The following RGS6 variants were observed in gnomAD, a reference collection of about 807,000 sequenced individuals.
The protein encoded by RGS6 is regulator of G-protein signaling 6.
A neutral mutation model predicts 78.5 loss-of-function variants in RGS6; 30 were observed. That is an observed-to-expected ratio of 0.38 (90% CI 0.29 to 0.52). RGS6 has a LOEUF of 0.52. Among genes scored for constraint, RGS6 ranks in the 20% least tolerant of loss-of-function variants. The pLI, the probability that RGS6 is intolerant of heterozygous loss-of-function variation, is 0.85. For missense variants in RGS6, 495 were observed against 609.7 expected (o/e 0.81, Z 1.98); for synonymous variants, 206 against 206.0 (o/e 1.00, Z 0.00).
chr14:72,107,586 C>A (rs566977058), intron 2 of RGS6, among the ~76,000 whole-genome samples: 3 of 152,094 alleles, frequency 2.0e-5, no homozygotes, highest in African/African-American at 7.2e-5. Context: ...TTTCAATGGG[C>A]AAAACTGGGA....
chr14:72,092,539 G>A lies in RGS6; in HGVS notation c.84+127664G>A, dbSNP rs374161179. 3.6e-4 allele frequency among the ~76,000 whole-genome samples: 55 copies of A among 151,736 alleles called. 1 individual carries two copies. Among genetic ancestry groups the A allele is most frequent in the African/African-American group, 1.2e-3 (49 of 41,350 alleles). ...TGGAATTACAGGCACCTGCCACCAC[G>A]CCCAGCTAATTTTTGTATTTTTAGT... On this transcript the variant is annotated intron_variant, in intron 2 of 17. Coordinates refer to ENST00000553525, the MANE Select transcript of RGS6 (RefSeq NM_001204424.2).
chr14:72,474,738 A>G, intron 10 of RGS6, 39 bp downstream of exon 10: 1 of 1,527,666 alleles, frequency 6.5e-7, no homozygotes, highest in Non-Finnish European at 9.0e-7. Flanking sequence ...CCTGATGTGA[A>G]TAGCCCTTCC....
chr14:72,252,888 G>A (rs1341255870), intron 2 of RGS6, among the ~76,000 whole-genome samples: 1 of 152,146 alleles, frequency 6.6e-6, no homozygotes, highest in South Asian at 2.1e-4. Flanking sequence ...TTCTCAAAGG[G>A]CTGAACTGAC....
At chr14:71,890,358 C>CAGAGAGAGAGAGAGAGAGAGAGAGAGAG in the RGS6 span, among the ~76,000 whole-genome samples, 1 of 133,008 alleles carries the variant, frequency 7.5e-6, no homozygotes, top group Non-Finnish European at 1.6e-5. Context: ...GTGCATAAGA[C>CAGAGAGAGAGAGAGAGAGAGAGAGAGAG]AGAGAGAGAG....
At chr14:71,886,675 C>T in the RGS6 span, among the ~76,000 whole-genome samples, 1 of 152,132 alleles carries the variant, frequency 6.6e-6, no homozygotes, top group Non-Finnish European at 1.5e-5. Flanking sequence ...CAAGGTATAT[C>T]TTTAATTTGG....
At chr14:72,442,456 C>T (rs2095239442) in intron 3 of RGS6, among the ~76,000 whole-genome samples, 3 of 152,196 alleles carry the variant, frequency 2.0e-5, no homozygotes, top group African/African-American at 4.8e-5. Flanking sequence ...AATTACTCCC[C>T]TGTCTGTGTC....
the RGS6 span, among the ~76,000 whole-genome samples, chr14:71,874,436 C>G: frequency 6.6e-6 from 1 of 152,076 alleles, no homozygotes; most frequent in Non-Finnish European, 1.5e-5. Context: ...TGATTTGGCT[C>G]TCTGTTTGTT....
At chr14:72,540,948 A>T in intron 17 of RGS6, 2 of 1,223,644 alleles carry the variant, frequency 1.6e-6, no homozygotes, top group South Asian at 1.4e-5. Context: ...CATGGCTGAG[A>T]CTCTCTACCA....
Position 72,092,597 on chromosome 14 carries a change from G to A in RGS6, c.84+127722G>A, listed in dbSNP as rs181437071. Among the ~76,000 whole-genome samples the A allele has an allele frequency of 7.7e-3, 1,172 of 152,272 alleles. 47 individuals are homozygous for A. The highest frequency in any genetic ancestry group is 0.067 in the Admixed American group (1,032 of 15,296). On this transcript the variant is annotated intron_variant, in intron 2 of 17. Coordinates refer to ENST00000553525, the MANE Select transcript of RGS6 (RefSeq NM_001204424.2). ...GGGTTTCACCAGGTTGGCCAGGCTG[G>A]TCTCGAACTCCTGACCTCAGGTGAT...
At chr14:72,048,069 C>T (rs1189138303) in intron 2 of RGS6, among the ~76,000 whole-genome samples, 1 of 152,004 alleles carries the variant, frequency 6.6e-6, no homozygotes, top group Non-Finnish European at 1.5e-5. Flanking sequence ...TTTCACCAAA[C>T]CAGAAATTTC....
At chr14:72,229,550 T>A (rs982176758) in intron 2 of RGS6, among the ~76,000 whole-genome samples, 33 of 152,178 alleles carry the variant, frequency 2.2e-4, no homozygotes, top group African/African-American at 7.7e-4. Context: ...GGTTGGGGTT[T>A]GATTCTGGCC....
rs59042247 is a variant in RGS6, at chr14:72,414,965, G to T, written c.185-39563G>T. On this transcript the variant is annotated intron_variant, in intron 3 of 17. Transcript: ENST00000553525. Reference sequence around the variant, plus strand: ...TGTGAGGTGTCAGTCTGCCCCTACTGGGGGGGTGCCTCCCAGTTAGGCTAC... The same window carrying T: ...TGTGAGGTGTCAGTCTGCCCCTACTTGGGGGGTGCCTCCCAGTTAGGCTAC... Among the ~76,000 whole-genome samples the T allele has an allele frequency of 6.6e-5, 10 of 152,074 alleles. No homozygotes were observed. In the South Asian group the frequency reaches 1.2e-3, roughly 19 times the overall value.
chr14:72,130,012 C>T, intron 2 of RGS6, among the ~76,000 whole-genome samples: 1 of 152,184 alleles, frequency 6.6e-6, no homozygotes, highest in Admixed American at 6.5e-5. Flanking sequence ...CAGATGCCAG[C>T]TGAAAGTGGA....
At chr14:72,376,761 A>G (rs2084839073) in intron 3 of RGS6, among the ~76,000 whole-genome samples, 1 of 152,230 alleles carries the variant, frequency 6.6e-6, no homozygotes, top group African/African-American at 2.4e-5. Context: ...AGGAGAAATA[A>G]AAATTTTCGC....
At chr14:72,359,069 G>T (rs111528894) in intron 3 of RGS6, among the ~76,000 whole-genome samples, 1 of 152,182 alleles carries the variant, frequency 6.6e-6, no homozygotes, top group African/African-American at 2.4e-5. Flanking sequence ...CCTTGCTGCT[G>T]CCATGTGAAG....
At chr14:72,459,537 G>A (rs2080874596) in intron 5 of RGS6, 95 bp from the exon 6 acceptor site, 5 of 1,135,646 alleles carry the variant, frequency 4.4e-6, no homozygotes, top group Non-Finnish European at 6.6e-6. Context: ...AGGAGATGGG[G>A]GAGAGCCTGC....
At chr14:72,385,358 T>G (rs555098132) in intron 3 of RGS6, among the ~76,000 whole-genome samples, 2 of 152,178 alleles carry the variant, frequency 1.3e-5, no homozygotes, top group Non-Finnish European at 2.9e-5. Flanking sequence ...GGAAGAAAAG[T>G]TTTTCAAGAC....
At chr14:71,956,357 G>GTGTGTGTGTGTA (rs1555400488) in intron 1 of RGS6, among the ~76,000 whole-genome samples, 21 of 150,590 alleles carry the variant, frequency 1.4e-4, no homozygotes, top group African/African-American at 4.9e-4. Flanking sequence ...GTGTGTGTGT[G>GTGTGTGTGTGTA]TATATTCTAT....
chr14:72,312,210 A>G (rs965992170), intron 2 of RGS6, among the ~76,000 whole-genome samples: 1 of 140,956 alleles, frequency 7.1e-6, no homozygotes, highest in African/African-American at 2.7e-5. Flanking sequence ...AGTTGCTTAC[A>G]TTGGCTGAGA....
Sources: allele counts gnomAD v4.1 joint callset (sites outside exome capture counted in the v4.1 genomes callset), GRCh38; gene constraint gnomAD v4.1.1; transcripts MANE v1.5; gene names NCBI Gene and HGNC (gene_info 2026-07-23, HGNC 2026-07-21).